Variants in TMEM267 observed in about 807,000 individuals in gnomAD.
TMEM267 encodes the protein transmembrane protein 267.
TMEM267 carries 20 observed loss-of-function variants against 19.3 expected under a neutral mutation model. That is an observed-to-expected ratio of 1.04 (90% CI 0.73 to 1.51). The LOEUF (loss-of-function observed/expected upper bound fraction) is 1.51, where lower values mean the gene tolerates loss of function less well. Among genes scored for constraint, TMEM267 ranks in the 40% most tolerant of loss-of-function variants. The pLI is 0.00. For missense variants in TMEM267, 242 were observed against 261.9 expected, an observed-to-expected ratio of 0.92 and a Z score of 0.52; for synonymous variants, 88 against 90.3, an observed-to-expected ratio of 0.97 and a Z score of 0.15.
At chr5:43,483,195 T>C (rs1744899762) in intron 1 of TMEM267, among the ~76,000 whole-genome samples, 1 of 152,232 alleles carries the variant, frequency 6.6e-6, no homozygotes, top group African/African-American at 2.4e-5. Context: ...ACTGAAACTT[T>C]TTATAGCCAT....
At chr5:43,449,961 G>A (rs1268622913) in intron 2 of TMEM267, among the ~76,000 whole-genome samples, 2 of 151,542 alleles carry the variant, frequency 1.3e-5, no homozygotes, top group Non-Finnish European at 2.9e-5. Context: ...CTTGTTGTTG[G>A]CTGATGTCTA....
chr5:43,481,871 C>G (rs1447923884), intron 1 of TMEM267, among the ~76,000 whole-genome samples: 1 of 152,164 alleles, frequency 6.6e-6, no homozygotes, highest in Admixed American at 6.5e-5. Context: ...GAGATGGTTC[C>G]TCGCTCTGTC....
At chr5:43,480,970 A>C (rs1176875536) in intron 1 of TMEM267, among the ~76,000 whole-genome samples, 2 of 150,924 alleles carry the variant, frequency 1.3e-5, no homozygotes, top group Admixed American at 1.3e-4. Context: ...ACGCTCAGCT[A>C]ATTTTTTGTA....
At chr5:43,473,991 T>C (rs9686159) in intron 1 of TMEM267, among the ~76,000 whole-genome samples, 92,906 of 151,976 alleles carry the variant, frequency 0.61, 31,066 homozygotes, top group African/African-American at 0.89. Context: ...CTTTGACAAA[T>C]CTGACAAAAA....
Position 43,453,854 on chromosome 5 carries a change from A to C in TMEM267, c.116T>G (p.Phe39Cys). Residue 39 changes from phenylalanine (F) to cysteine (C), a missense_variant, in exon 2 of 3, where the codon TTT (phenylalanine) becomes TGT (cysteine). Physicochemically the swap from Phe to Cys is radical, Grantham distance 205. Transcript: ENST00000397080. ...CCAGTCATTTTGCTGAATTGTGGAA[A>C]ACTGAAGAAGTCTGTCAGCTACGAG... ...FCLVADRLLQ[F>C]STIQQNDWLR... is the part of the protein sequence containing the mutation. The C allele has an allele frequency of 6.2e-7, 1 of 1,614,130 alleles. No individual in the cohort carries two copies. The highest frequency in any genetic ancestry group is 8.5e-7 in the Non-Finnish European group (1 of 1,180,000).
intron 1 of TMEM267, among the ~76,000 whole-genome samples, chr5:43,463,052 A>G (rs1225524769): frequency 6.6e-6 from 1 of 151,998 alleles, no homozygotes; most frequent in East Asian, 1.9e-4. Context: ...CAAGACTAAT[A>G]AAGAAGAAAA....
At chr5:43,481,875 C>G (rs1744797800) in intron 1 of TMEM267, among the ~76,000 whole-genome samples, 1 of 152,168 alleles carries the variant, frequency 6.6e-6, no homozygotes, top group South Asian at 2.1e-4. Context: ...TGGTTCCTCG[C>G]TCTGTCACCC....
rs1315894697 is a variant in TMEM267, at chr5:43,446,202, C to T, written c.*20G>A. 1 of 1,532,234 alleles carries T rather than the reference C, an allele frequency of 6.5e-7. No individual in the cohort carries two copies. The highest frequency in any genetic ancestry group is 9.0e-7 in the Non-Finnish European group (1 of 1,113,848). 94.9% of individuals were successfully genotyped at this position (1,532,234 alleles called of 1,614,324 possible). A position where few individuals can be genotyped will look rare whatever the true frequency, so the allele number is the denominator to read the frequency against. ...TTATCATCATCTGAGCCATTTGCTT[C>T]TCTAAGACTGCCGTGTACCTCAGAC... On this transcript the variant is annotated 3_prime_UTR_variant, in exon 3 of 3. Transcript: ENST00000397080.
At chr5:43,458,515 T>C (rs545402186) in intron 1 of TMEM267, among the ~76,000 whole-genome samples, 1 of 152,286 alleles carries the variant, frequency 6.6e-6, no homozygotes, top group East Asian at 1.9e-4. Flanking sequence ...CTGAAGACAG[T>C]AGAGGCAGGA....
At chr5:43,483,438 C>A (rs1469518761) in intron 1 of TMEM267, among the ~76,000 whole-genome samples, 2 of 152,232 alleles carry the variant, frequency 1.3e-5, no homozygotes, top group Admixed American at 6.5e-5. Context: ...AAGGCTCTTA[C>A]AACCGGTTAA....
intron 1 of TMEM267, among the ~76,000 whole-genome samples, chr5:43,475,763 A>C (rs1744380174): frequency 6.6e-6 from 1 of 152,198 alleles, no homozygotes; most frequent in Non-Finnish European, 1.5e-5. Context: ...GTATGAACTA[A>C]AACAATTTTT....
In TMEM267 at chr5:43,453,186, T is replaced by G. The variant is rs181062554; in HGVS notation, c.312+472A>C. Reference sequence around the variant, plus strand: ...ATCTGTTCAAGTCATTCCTTAGGACTGGGAATCATCTTAAAGCTATTCAAC... The same window carrying G: ...ATCTGTTCAAGTCATTCCTTAGGACGGGGAATCATCTTAAAGCTATTCAAC... On this transcript the variant is annotated intron_variant, in intron 2 of 2. Coordinates refer to ENST00000397080, the MANE Select transcript of TMEM267 (RefSeq NM_022483.5). Among the ~76,000 whole-genome samples the G allele has an allele frequency of 4.4e-4, 67 of 152,324 alleles. 1 individual carries two copies. The East Asian group carries it at 9.1e-3, about 21-fold the overall frequency.
chr5:43,471,992 G>A (rs899273707), intron 1 of TMEM267, among the ~76,000 whole-genome samples: 2 of 151,956 alleles, frequency 1.3e-5, no homozygotes, highest in African/African-American at 2.4e-5. Flanking sequence ...AATCAGTAAA[G>A]TGAAGAAAAA....
At chr5:43,465,656 A>G (rs1238681775) in intron 1 of TMEM267, among the ~76,000 whole-genome samples, 2 of 152,236 alleles carry the variant, frequency 1.3e-5, no homozygotes, top group Non-Finnish European at 2.9e-5. Context: ...TATCCTTTGT[A>G]GGGACATGGA....
chr5:43,470,086 G>GC (rs1743972220), intron 1 of TMEM267, among the ~76,000 whole-genome samples: 1 of 152,164 alleles, frequency 6.6e-6, no homozygotes, highest in Admixed American at 6.5e-5. Context: ...CTATGACCTG[G>GC]AAGTCTTCCC....
At chr5:43,467,382 A>C (rs1743803938) in intron 1 of TMEM267, among the ~76,000 whole-genome samples, 2 of 152,158 alleles carry the variant, frequency 1.3e-5, no homozygotes, top group South Asian at 4.1e-4. Flanking sequence ...CTGAAAGTGA[A>C]GGGATGGGAA....
At chr5:43,461,440 A>G (rs1333223096) in intron 1 of TMEM267, among the ~76,000 whole-genome samples, 1 of 152,204 alleles carries the variant, frequency 6.6e-6, no homozygotes, top group Non-Finnish European at 1.5e-5. Flanking sequence ...CTTTCACCTT[A>G]GGTATCAGCA....
At chr5:43,472,549 A>G (rs1744144307) in intron 1 of TMEM267, among the ~76,000 whole-genome samples, 1 of 152,226 alleles carries the variant, frequency 6.6e-6, no homozygotes, top group Non-Finnish European at 1.5e-5. Flanking sequence ...CTAAGGGTCT[A>G]TCAACATATG....
chr5:43,454,056 G>T lies in TMEM267; in HGVS notation c.-74-13C>A. 6.7e-7 allele frequency: 1 copy of T among 1,491,698 alleles called. No homozygotes were observed. Among genetic ancestry groups the T allele is most frequent in the South Asian group, 1.4e-5 (1 of 72,318 alleles). 92.4% of individuals were successfully genotyped at this position (1,491,698 alleles called of 1,614,324 possible). A position where few individuals can be genotyped will look rare whatever the true frequency, so the allele number is the denominator to read the frequency against. ...CATTTCCAGCACCCTAAAGGAGAAA[G>T]TAGAGAAAAATATGAATGAAGATTA... On this transcript the variant is annotated splice_polypyrimidine_tract_variant and intron_variant, in intron 1 of 2. Coordinates refer to ENST00000397080, the MANE Select transcript of TMEM267 (RefSeq NM_022483.5).
Sources: allele counts gnomAD v4.1 joint callset (sites outside exome capture counted in the v4.1 genomes callset), GRCh38; gene constraint gnomAD v4.1.1; transcripts MANE v1.5; gene names NCBI Gene and HGNC (gene_info 2026-07-23, HGNC 2026-07-21).